The following KHDC1L variants were observed in gnomAD, a reference collection of about 807,000 sequenced individuals.
The protein encoded by KHDC1L is KH domain containing 1 like, also known as KHDC1-like protein.
Under a neutral mutation model 11.2 loss-of-function variants are expected in KHDC1L, and 5 were observed. The observed-to-expected ratio is 0.45, with a 90% CI of 0.23 to 0.94. KHDC1L has a LOEUF of 0.94. Ranked by LOEUF, KHDC1L falls within the 40% of genes least tolerant of loss-of-function variation. KHDC1L has a pLI of 0.22. For missense variants in KHDC1L, 168 were observed against 165.8 expected (o/e 1.01, Z -0.07); for synonymous variants, 66 against 62.7 (o/e 1.05, Z -0.25).
intron 2 of KHDC1L, 136 bp downstream of exon 2, chr6:73,224,030 T>C: frequency 8.6e-7 from 1 of 1,159,428 alleles, no homozygotes; most frequent in Non-Finnish European, 1.2e-6. Context: ...AGCCCTTCCC[T>C]TCCCAATGGA....
At chr6:73,225,034 G>A (rs1272095255) in intron 1 of KHDC1L, among the ~76,000 whole-genome samples, 1 of 148,406 alleles carries the variant, frequency 6.7e-6, no homozygotes, top group Non-Finnish European at 1.5e-5. Flanking sequence ...AGTGAGCCGA[G>A]ATCGCGCCAC....
Position 73,225,356 on chromosome 6 carries a change from T to C in KHDC1L, c.53A>G (p.Glu18Gly), listed in dbSNP as rs1481599272. 6.2e-7 allele frequency: 1 copy of C among 1,614,172 alleles called. No individual in the cohort carries two copies. The highest frequency in any genetic ancestry group is 2.2e-5 in the East Asian group (1 of 44,880). Residue 18 changes from glutamate to glycine, a missense_variant, in exon 1 of 3, where the codon GAA (glutamate) becomes GGA (glycine). Transcript: ENST00000370388. ...GAACACCATTGGAGAATGAAAGTTT[T>C]CGGGCAGGGTCCACCACGGCTCCTT... ...LSKEPWWTLP[E>G]NFHSPMVFHM...
At position 73,225,371 on chromosome 6, in the gene KHDC1L, C is replaced by A. The variant is rs1311282134; in HGVS notation, c.38G>T (p.Trp13Leu). The A allele has an allele frequency of 6.2e-7, 1 of 1,613,964 alleles. No individual in the cohort carries two copies. Among genetic ancestry groups the A allele is most frequent in the African/African-American group, 1.3e-5 (1 of 74,926 alleles). Residue 13 changes from tryptophan to leucine, a missense_variant, in exon 1 of 3, where the codon TGG (tryptophan) becomes TTG (leucine). Trp to Leu is a moderately conservative substitution (Grantham distance 61). Transcript: ENST00000370388. ...VGTSALSKEP[W>L]WTLPENFHSP... ...ATGAAAGTTTTCGGGCAGGGTCCAC[C>A]ACGGCTCCTTGCTGAGAGCACTCGT...
intron 1 of KHDC1L, 43 bp from the exon 2 acceptor site, chr6:73,224,391 T>A (rs746496892): frequency 1.3e-6 from 2 of 1,492,528 alleles, no homozygotes; most frequent in South Asian, 2.7e-5. Flanking sequence ...CAGCCACCAG[T>A]CCTTGGGGAG....
Position 73,225,197 on chromosome 6 carries a change from G to C in KHDC1L, c.112+100C>G, listed in dbSNP as rs945027625. On this transcript the variant is annotated intron_variant, in intron 1 of 2. Coordinates refer to ENST00000370388, the MANE Select transcript of KHDC1L (RefSeq NM_001126063.3). ...CAGGAGAATCACTTGAACCCAAAAG[G>C]CAGACGTTGCAGTGAGCCAAGATCA... is the stretch of plus-strand genomic sequence containing the variant. The C allele has an allele frequency of 1.3e-5, 14 of 1,071,164 alleles. No homozygotes were observed. In the African/African-American group the frequency reaches 1.7e-4, roughly 13 times the overall value. 66.4% of individuals were successfully genotyped at this position (1,071,164 alleles called of 1,614,324 possible).
rs991863520 is a variant in KHDC1L at position 73,223,650 on chromosome 6, T to G, written c.*98A>C. ...GCCTAGAAGGCCTGAGAGGGGCAGG[T>G]CTGGCCACAAATTCAAACTTTCTTC... On this transcript the variant is annotated 3_prime_UTR_variant, in exon 3 of 3. Transcript: ENST00000370388. 9 of 990,882 alleles carry G rather than the reference T, an allele frequency of 9.1e-6. No individual in the cohort carries two copies. The highest frequency in any genetic ancestry group is 1.4e-5 in the Non-Finnish European group (9 of 652,340). The allele number at this position is 990,882 out of a possible 1,614,324, so 61.4% of individuals were successfully genotyped here.
rs747711051 is a variant in KHDC1L at position 73,225,360 on chromosome 6, G to T, written c.49C>A (p.Pro17Thr). The T allele has an allele frequency of 1.9e-6, 3 of 1,613,990 alleles. No individual in the cohort carries two copies. The Admixed American group carries it at 5.0e-5, about 27-fold the overall frequency. ...ALSKEPWWTL[P>T]ENFHSPMVFH... Reference sequence around the variant, plus strand: ...ACCATTGGAGAATGAAAGTTTTCGGGCAGGGTCCACCACGGCTCCTTGCTG... The same window carrying T: ...ACCATTGGAGAATGAAAGTTTTCGGTCAGGGTCCACCACGGCTCCTTGCTG... The change falls in exon 1 of 3, where the codon CCC (proline) becomes ACC (threonine). Residue 17 changes from proline (P) to threonine (T), a missense_variant. Pro to Thr is a conservative substitution (Grantham distance 38). Transcript: ENST00000370388.
rs1582538891 is a variant in KHDC1L at position 73,223,783 on chromosome 6, T to A, written c.352A>T (p.Thr118Ser). ...GTGTACGGTGGCAGGCTAACGGAGG[T>A]GACCAGGTCATCATTGGTCAGGGGC... ...SQPLTNDDLV[T>S]SVSLPPYTGD The change falls in exon 3 of 3, where the codon ACC (threonine) becomes TCC (serine). Residue 118 changes from threonine (T) to serine (S), a missense_variant. Physicochemically the swap from Thr to Ser is moderately conservative, Grantham distance 58. Coordinates refer to ENST00000370388, the MANE Select transcript of KHDC1L (RefSeq NM_001126063.3). The A allele has an allele frequency of 6.2e-7, 1 of 1,607,186 alleles. No homozygotes were observed. Among genetic ancestry groups the A allele is most frequent in the Non-Finnish European group, 8.5e-7 (1 of 1,176,996 alleles).
At position 73,224,409 on chromosome 6, in the gene KHDC1L, G is replaced by A. The variant is rs534963808; in HGVS notation, c.113-61C>T. On this transcript the variant is annotated intron_variant, in intron 1 of 2. Transcript: ENST00000370388. Reference sequence around the variant, plus strand: ...CCACCAGTCCTTGGGGAGTGAGGAGGTGGCCTTGAGGGTAGGGATGTGTGA... The same window carrying A: ...CCACCAGTCCTTGGGGAGTGAGGAGATGGCCTTGAGGGTAGGGATGTGTGA... The A allele has an allele frequency of 3.5e-6, 5 of 1,420,244 alleles. No individual in the cohort carries two copies. The African/African-American group carries it at 7.1e-5, about 20-fold the overall frequency. The allele number at this position is 1,420,244 out of a possible 1,614,324, so 88.0% of individuals were successfully genotyped here. A position where few individuals can be genotyped will look rare whatever the true frequency, so the allele number is the denominator to read the frequency against.
chr6:73,225,270 G>C (rs1267873679), intron 1 of KHDC1L, 27 bp downstream of exon 1: 2 of 1,597,200 alleles, frequency 1.3e-6, no homozygotes, highest in Non-Finnish European at 1.7e-6. Context: ...ACAGATGAAG[G>C]AGGGGACGTG....
intron 1 of KHDC1L, among the ~76,000 whole-genome samples, chr6:73,224,771 C>CAAAAAAAAAAAAAAAAAAAAAAAAAAA (rs3044250): frequency 2.4e-5 from 1 of 41,096 alleles, no homozygotes; most frequent in Non-Finnish European, 4.3e-5. Flanking sequence ...GATTCCATAT[C>CAAAAAAAAAAAAAAAAAAAAAAAAAAA]AAAAAAAAAA....
intron 1 of KHDC1L, 54 bp from the exon 2 acceptor site, chr6:73,224,402 TGAG>T: frequency 6.9e-7 from 1 of 1,453,646 alleles, no homozygotes; most frequent in Non-Finnish European, 9.2e-7. Flanking sequence ...CCTTGGGGAG[TGAG>T]GAGGTGGCCT....
In KHDC1L at chr6:73,223,670, T is replaced by A; in HGVS notation, c.*78A>T. The A allele has an allele frequency of 8.1e-7, 1 of 1,235,044 alleles. No homozygotes were observed. Among genetic ancestry groups the A allele is most frequent in the Non-Finnish European group, 1.2e-6 (1 of 867,170 alleles). The allele number at this position is 1,235,044 out of a possible 1,614,324, so 76.5% of individuals were successfully genotyped here. ...GCAGGTCTGGCCACAAATTCAAACTTTCTTCAGTGTTTTTCATGTCTTTCT... is the reference window on the plus strand; with the variant it reads ...GCAGGTCTGGCCACAAATTCAAACTATCTTCAGTGTTTTTCATGTCTTTCT... On this transcript the variant is annotated 3_prime_UTR_variant, in exon 3 of 3. Transcript: ENST00000370388.
intron 1 of KHDC1L, 120 bp downstream of exon 1, chr6:73,225,177 G>A: frequency 1.2e-6 from 1 of 805,410 alleles, no homozygotes; most frequent in East Asian, 2.8e-5. Context: ...TGAAGCAGGA[G>A]AATCACTTGA....
rs188176994 is a variant in KHDC1L, at chr6:73,223,550, T to A, written c.*198A>T. 2.6e-4 allele frequency: 139 copies of A among 542,976 alleles called. No homozygotes were observed. Among genetic ancestry groups the A allele is most frequent in the Middle Eastern group, 2.0e-3 (4 of 2,008 alleles). 33.6% of individuals were successfully genotyped at this position (542,976 alleles called of 1,614,324 possible). On this transcript the variant is annotated 3_prime_UTR_variant, in exon 3 of 3. Transcript: ENST00000370388. ...AGGACAGCACATCGAAGGCTTTGCATCATAGGTAGCTTATTTTATTGGATT... is the reference window on the plus strand; with the variant it reads ...AGGACAGCACATCGAAGGCTTTGCAACATAGGTAGCTTATTTTATTGGATT...
Position 73,223,583 on chromosome 6 carries a change from CA to C in KHDC1L, c.*164del, listed in dbSNP as rs1766302509. 1.7e-6 allele frequency: 1 copy of C among 592,502 alleles called. No homozygotes were observed. Among genetic ancestry groups the C allele is most frequent in the African/African-American group, 1.9e-5 (1 of 53,532 alleles). 36.7% of individuals were successfully genotyped at this position (592,502 alleles called of 1,614,324 possible). A position where few individuals can be genotyped will look rare whatever the true frequency, so the allele number is the denominator to read the frequency against. On this transcript the variant is annotated 3_prime_UTR_variant, in exon 3 of 3. Transcript: ENST00000370388. ...AGCTTATTTTATTGGATTGCTTTGC[CA>C]ATAACACTTCTAACACTCAGGAGAC...
chr6:73,224,200 G>A lies in KHDC1L; in HGVS notation c.261C>T (p.Cys87=), dbSNP rs1013188309. The change falls in exon 2 of 3, where the codon TGC becomes TGT. Residue 87 remains cysteine, a synonymous_variant. Coordinates refer to ENST00000370388, the MANE Select transcript of KHDC1L (RefSeq NM_001126063.3). ...AKQWLLLMFH[C]VGSQDSKCHA... ...GACACTTGGAGTCCTGGCTCCCCAC[G>A]CAATGGAACATGAGCAGCAGCCACT... 2 of 1,572,874 alleles carry A rather than the reference G, an allele frequency of 1.3e-6. No individual in the cohort carries two copies. Among genetic ancestry groups the A allele is most frequent in the Non-Finnish European group, 8.6e-7 (1 of 1,158,648 alleles).
At chr6:73,225,089 CAAAA>C (rs774109371) in intron 1 of KHDC1L, among the ~76,000 whole-genome samples, 2 of 95,868 alleles carry the variant, frequency 2.1e-5, no homozygotes, top group South Asian at 3.8e-4. Context: ...TCTCGAGTCT[CAAAA>C]AAAAAAAAAA....
chr6:73,224,111 G>A (rs1037791731), intron 2 of KHDC1L, 55 bp downstream of exon 2: 12 of 1,489,504 alleles, frequency 8.1e-6, no homozygotes, highest in African/African-American at 1.4e-5. Flanking sequence ...ACACAACACA[G>A]CCAGAACTCC....
Sources: allele counts gnomAD v4.1 joint callset (sites outside exome capture counted in the v4.1 genomes callset), GRCh38; gene constraint gnomAD v4.1.1; transcripts MANE v1.5; gene names NCBI Gene and HGNC (gene_info 2026-07-23, HGNC 2026-07-21).